IRF9: variants seen among roughly 807,000 people sequenced by gnomAD.
IRF9 encodes IFN-alpha-responsive transcription factor subunit.
In IRF9, 13 loss-of-function variants were observed where a neutral mutation model predicts 44.1. The ratio of observed to expected loss-of-function variants is 0.29; its 90% confidence interval spans 0.19 to 0.47. The LOEUF (loss-of-function observed/expected upper bound fraction) is 0.47. Among genes scored for constraint, IRF9 ranks in the 20% least tolerant of loss-of-function variants. The pLI, the probability that IRF9 is intolerant of heterozygous loss-of-function variation, is 1.00. For missense variants in IRF9, 373 were observed against 496.1 expected, an observed-to-expected ratio of 0.75 and a Z score of 2.36; for synonymous variants, 189 against 188.5, an observed-to-expected ratio of 1.00 and a Z score of -0.02.
intron 3 of IRF9, 91 bp from the exon 4 acceptor site, chr14:24,163,287 C>A: frequency 1.3e-6 from 2 of 1,554,658 alleles, no homozygotes; most frequent in South Asian, 1.2e-5. Flanking sequence ...CCTTCCTAGA[C>A]CTGCCCATCC....
chr14:24,165,376 C>G, intron 7 of IRF9: 1 of 614,876 alleles, frequency 1.6e-6, no homozygotes, highest in Non-Finnish European at 2.9e-6. Context: ...TTACCACACT[C>G]CAGGCATGCC....
At position 24,162,242 on chromosome 14, in the gene IRF9, C is replaced by G. The variant is rs767572661; in HGVS notation, c.98C>G (p.Thr33Arg). The change falls in exon 2 of 9, where the codon ACA (threonine) becomes AGA (arginine). Residue 33 changes from threonine to arginine, a missense_variant. This residue lies in a region of IRF9 where 227 missense variants were observed against 255.3 expected (regional missense o/e 0.89). Transcript: ENST00000396864. ...TTTCCCGGAGTGTGCTGGGATGATA[C>G]AGCTAAGACCATGTTCCGGATTCCC... The part of the protein sequence containing the change: ...GQFPGVCWDD[T>R]AKTMFRIPWK... The G allele has an allele frequency of 6.2e-7, 1 of 1,614,142 alleles. No homozygotes were observed.
chr14:24,163,878 G>A lies in IRF9; in HGVS notation c.496G>A (p.Glu166Lys). The change falls in exon 5 of 9, where the codon GAG becomes AAG. Residue 166 changes from glutamate (E) to lysine (K), a missense_variant and splice_region_variant. Glu to Lys is a moderately conservative substitution (Grantham distance 56, BLOSUM62 1). Transcript: ENST00000396864. ...AAATAAAAAGACACTGTGTCCGCAGGAGGAGGAGGGGGCCAGTGGGGGAGC... is the reference window on the plus strand; with the variant it reads ...AAATAAAAAGACACTGTGTCCGCAGAAGGAGGAGGGGGCCAGTGGGGGAGC... ...PSVLQDSLNN[E>K]EEGASGGAVH... The A allele has an allele frequency of 3.1e-6, 5 of 1,589,520 alleles. No individual in the cohort carries two copies. Among genetic ancestry groups the A allele is most frequent in the Non-Finnish European group, 4.3e-6 (5 of 1,173,634 alleles).
Position 24,164,651 on chromosome 14 carries a change from C to T in IRF9, c.687C>T (p.Arg229=), listed in dbSNP as rs752440594. The T allele has an allele frequency of 8.7e-6, 14 of 1,611,870 alleles. No homozygotes were observed. The highest frequency in any genetic ancestry group is 6.7e-5 in the Admixed American group (4 of 59,914). The change falls in exon 7 of 9, where the codon CGC becomes CGT. Residue 229 remains arginine (R), a synonymous_variant. Coordinates refer to ENST00000396864, the MANE Select transcript of IRF9 (RefSeq NM_006084.5). This position sits in a 1 kb window ranked among gnomAD's most constrained non-coding sequence, Gnocchi z 5.2. ...TGCTCACCTTCATCTACAACGGGCG[C>T]GTGGTGGGCGAGGCCCAGGTGCAAA... ...SLLLTFIYNG[R]VVGEAQVQSL... is the part of the protein sequence containing the mutation.
At chr14:24,162,661 C>T (rs1341590316) in intron 2 of IRF9, 1 of 432,002 alleles carries the variant, frequency 2.3e-6, no homozygotes, top group East Asian at 4.6e-5. Context: ...TTAGCTGGGC[C>T]TAGCGGTGCA....
chr14:24,165,990 C>T (rs748139425), intron 8 of IRF9, 28 bp downstream of exon 8: 1 of 1,597,868 alleles, frequency 6.3e-7, no homozygotes, highest in Non-Finnish European at 8.6e-7. Context: ...GTAGAGTACC[C>T]ATCTAATGAG....
In IRF9 at chr14:24,165,917, G is replaced by C. The variant is rs1242529996; in HGVS notation, c.1062G>C (p.Glu354Asp). The C allele has an allele frequency of 6.2e-7, 1 of 1,614,090 alleles. No homozygotes were observed. The highest frequency in any genetic ancestry group is 1.3e-5 in the African/African-American group (1 of 74,938). The change falls in exon 8 of 9, where the codon GAG (glutamate) becomes GAC (aspartate). Residue 354 changes from glutamate to aspartate, a missense_variant. Around this residue, in one of 2 missense-constraint regions of IRF9, gnomAD observed 146 missense variants for 240.8 expected, o/e 0.61. Transcript: ENST00000396864. ...AGGTAACACTGAATTTCTGGGAAGA[G>C]AGCCATGGCTCCAGCCATACTCCAC... Reference protein sequence around the residue: ...KFQVTLNFWEESHGSSHTPQN... With the variant: ...KFQVTLNFWEDSHGSSHTPQN...
chr14:24,162,051 G>A, intron 1 of IRF9, 93 bp from the exon 2 acceptor site: 1 of 1,207,336 alleles, frequency 8.3e-7, no homozygotes, highest in Non-Finnish European at 1.2e-6. Flanking sequence ...TCTGGGACCT[G>A]TTGCCAGAAT....
chr14:24,161,932 TTTG>T (rs139762911), intron 1 of IRF9, among the ~76,000 whole-genome samples: 13,174 of 151,888 alleles, frequency 0.087, 575 homozygotes, highest in South Asian at 0.12. Context: ...TTTGGGGGGT[TTTG>T]TTGTTGTTGT....
rs201838285 is a variant in IRF9, at chr14:24,163,896, G to C, written c.514G>C (p.Gly172Arg). 23 of 1,595,554 alleles carry C rather than the reference G, an allele frequency of 1.4e-5. No individual in the cohort carries two copies. The highest frequency in any genetic ancestry group is 1.9e-5 in the Non-Finnish European group (22 of 1,175,538). The change falls in exon 5 of 9, where the codon GGG becomes CGG. Residue 172 changes from glycine to arginine, a missense_variant. This residue lies in a region of IRF9 where 227 missense variants were observed against 255.3 expected (regional missense o/e 0.89). Coordinates refer to ENST00000396864, the MANE Select transcript of IRF9 (RefSeq NM_006084.5). ...TCCGCAGGAGGAGGAGGGGGCCAGT[G>C]GGGGAGCAGTCCATTCAGACATTGG... ...SLNNEEEGAS[G>R]GAVHSDIGSS...
At chr14:24,163,668 T>A in intron 4 of IRF9, 160 bp downstream of exon 4, 1 of 924,420 alleles carries the variant, frequency 1.1e-6, no homozygotes, top group South Asian at 1.7e-5. Context: ...TGAGAACCCG[T>A]CTCTACTAAA....
intron 1 of IRF9, among the ~76,000 whole-genome samples, chr14:24,161,817 A>G (rs1006392525): frequency 1.3e-5 from 2 of 152,174 alleles, no homozygotes; most frequent in African/African-American, 2.4e-5. Context: ...ACGATCACCA[A>G]AGGAATTCTT....
chr14:24,161,322 C>G lies in IRF9; in HGVS notation c.-18C>G, dbSNP rs1380568676. On this transcript the variant is annotated 5_prime_UTR_variant, in exon 1 of 9. Coordinates refer to ENST00000396864, the MANE Select transcript of IRF9 (RefSeq NM_006084.5). ...TGAGGTCGTCTGAGCCCTGCGACAG[C>G]CTGGACAGCAACTCAGGTAAGATCA... The G allele has an allele frequency of 1.3e-5, 2 of 152,436 alleles. No homozygotes were observed. Among genetic ancestry groups the G allele is most frequent in the East Asian group, 1.9e-4 (1 of 5,196 alleles). 9.4% of individuals were successfully genotyped at this position (152,436 alleles called of 1,614,324 possible).
Position 24,164,340 on chromosome 14 carries a change from C to T in IRF9, c.649+206C>T, listed in dbSNP as rs1025665560. 1.6e-6 allele frequency: 1 copy of T among 619,052 alleles called. No homozygotes were observed. The highest frequency in any genetic ancestry group is 2.9e-6 in the Non-Finnish European group (1 of 349,392). 38.3% of individuals were successfully genotyped at this position (619,052 alleles called of 1,614,324 possible). On this transcript the variant is annotated intron_variant, in intron 6 of 8. Coordinates refer to ENST00000396864, the MANE Select transcript of IRF9 (RefSeq NM_006084.5). The surrounding 1 kb of genome is among the most constrained non-coding windows in gnomAD (Gnocchi z 5.2). ...TGCTTCCCAAAAATACCACCCTATA[C>T]ACTCTCCTGGAAATCTACATTGAGA...
intron 3 of IRF9, 106 bp from the exon 4 acceptor site, chr14:24,163,272 G>A: frequency 2.6e-6 from 4 of 1,545,880 alleles, no homozygotes; most frequent in Non-Finnish European, 3.5e-6. Context: ...TGCAACCCAG[G>A]TTTCCCTTCC....
At chr14:24,163,752 C>T (rs985989575) in intron 4 of IRF9, 126 bp from the exon 5 acceptor site, 5 of 1,020,712 alleles carry the variant, frequency 4.9e-6, no homozygotes, top group Non-Finnish European at 4.3e-6. Context: ...GCAGGAGAAT[C>T]GCTTGAACCG....
In IRF9 at chr14:24,166,145, C is replaced by G; in HGVS notation, c.1131C>G (p.Tyr377Ter). 1.2e-6 allele frequency: 2 copies of G among 1,614,122 alleles called. No homozygotes were observed. Among genetic ancestry groups the G allele is most frequent in the Non-Finnish European group, 1.7e-6 (2 of 1,180,022 alleles). ...TVKMEQAFAR[Y>*]LLEQTPEQQA... is the part of the protein sequence containing the mutation. ...AGATGGAGCAGGCCTTTGCCCGATACTTGCTGGAGCAGACTCCAGAGCAGC... is the reference window on the plus strand; with the variant it reads ...AGATGGAGCAGGCCTTTGCCCGATAGTTGCTGGAGCAGACTCCAGAGCAGC... The change falls in exon 9 of 9, where the codon TAC becomes TAG. Residue 377 changes from tyrosine to a stop codon, truncating the protein, a stop_gained. Coordinates refer to ENST00000396864, the MANE Select transcript of IRF9 (RefSeq NM_006084.5). LOFTEE classifies it high-confidence loss of function.
At position 24,163,978 on chromosome 14, in the gene IRF9, CTT is replaced by C; in HGVS notation, c.577+20_577+21del. The C allele has an allele frequency of 6.2e-6, 10 of 1,609,770 alleles. No individual in the cohort carries two copies. The highest frequency in any genetic ancestry group is 8.5e-6 in the Non-Finnish European group (10 of 1,177,940). ...CAGGAAGGTACCACCTGCCCTGCCT[CTT>C]GTGTCGTCCCCCATGCCACACCCTC... On this transcript the variant is annotated intron_variant, in intron 5 of 8. Coordinates refer to ENST00000396864, the MANE Select transcript of IRF9 (RefSeq NM_006084.5).
chr14:24,162,754 G>A (rs945408427), intron 2 of IRF9: 48 of 531,938 alleles, frequency 9.0e-5, no homozygotes, highest in African/African-American at 7.0e-4. Context: ...AGTCGAGATC[G>A]CACCACTGCA....
Sources: gnomAD v4.1 joint callset for allele counts (sites outside exome capture counted in the v4.1 genomes callset) on GRCh38, gnomAD v4.1.1 for gene constraint, gnomAD v4.1.1 regional missense constraint, Gnocchi (gnomAD v3.1) non-coding constraint, MANE v1.5 for transcripts, NCBI Gene and HGNC (gene_info 2026-07-23, HGNC 2026-07-21) for gene names.